PTER: variants seen among roughly 807,000 people sequenced by gnomAD.
PTER encodes the protein N-acetyltaurine hydrolase.
A neutral mutation model predicts 29.6 loss-of-function variants in PTER; 38 were observed. The observed-to-expected ratio is 1.28, with a 90% CI of 0.99 to 1.68. The LOEUF (loss-of-function observed/expected upper bound fraction) is 1.68. PTER is among the 40% of genes most tolerant of loss of function. The pLI is 0.00. For synonymous variants in PTER, 172 were observed against 154.5 expected (o/e 1.11, Z -0.84); for missense variants, 482 against 427.8 (o/e 1.13, Z -1.12).
At chr10:16,491,272 A>G (rs1835888720) in intron 3 of PTER, among the ~76,000 whole-genome samples, 1 of 152,216 alleles carries the variant, frequency 6.6e-6, no homozygotes, top group African/African-American at 2.4e-5. Flanking sequence ...GCTAGGGAAC[A>G]TGGCTTTAGA....
chr10:16,467,038 A>G (rs1208702873), intron 1 of PTER, among the ~76,000 whole-genome samples: 1 of 152,158 alleles, frequency 6.6e-6, no homozygotes, highest in Non-Finnish European at 1.5e-5. Context: ...GTCTTTGGAG[A>G]TGAAGTCACT....
At chr10:16,464,068 G>T (rs1041200708) in intron 1 of PTER, among the ~76,000 whole-genome samples, 1 of 152,164 alleles carries the variant, frequency 6.6e-6, no homozygotes, top group Non-Finnish European at 1.5e-5. Context: ...TAATTAAAGT[G>T]TGTAGAGGAT....
intron 3 of PTER, among the ~76,000 whole-genome samples, chr10:16,497,815 G>A (rs1029459244): frequency 6.6e-6 from 1 of 152,144 alleles, no homozygotes; most frequent in Non-Finnish European, 1.5e-5. Flanking sequence ...ATATAAAAGG[G>A]GGTTGAAAAT....
At chr10:16,464,836 G>A (rs1353190687) in intron 1 of PTER, among the ~76,000 whole-genome samples, 1 of 152,124 alleles carries the variant, frequency 6.6e-6, no homozygotes, top group Non-Finnish European at 1.5e-5. Flanking sequence ...CCTGAGACTG[G>A]GTAATTTATA....
intron 1 of PTER, among the ~76,000 whole-genome samples, chr10:16,442,609 A>G (rs949528713): frequency 7.2e-5 from 11 of 152,186 alleles, no homozygotes; most frequent in Non-Finnish European, 1.6e-4. Flanking sequence ...TCTCTATTAA[A>G]TAAGTAAATA....
At chr10:16,446,424 T>C (rs1336937014) in intron 1 of PTER, among the ~76,000 whole-genome samples, 2 of 152,160 alleles carry the variant, frequency 1.3e-5, no homozygotes, top group Admixed American at 6.5e-5. Context: ...TCCACCATGT[T>C]GATCAGGCTG....
intron 1 of PTER, among the ~76,000 whole-genome samples, chr10:16,450,241 G>T (rs1232592150): frequency 6.6e-6 from 1 of 152,184 alleles, no homozygotes; most frequent in Admixed American, 6.5e-5. Context: ...AACGGGTATT[G>T]GGAGTGGGTC....
chr10:16,504,020 A>T (rs1029434504), intron 3 of PTER, among the ~76,000 whole-genome samples: 2 of 152,094 alleles, frequency 1.3e-5, no homozygotes, highest in East Asian at 3.9e-4. Context: ...CTAATGGGGT[A>T]TATTTTTCCT....
chr10:16,474,670 G>T (rs571814009), intron 1 of PTER, among the ~76,000 whole-genome samples: 1 of 152,182 alleles, frequency 6.6e-6, no homozygotes, highest in South Asian at 2.1e-4. Context: ...GGTGGATCAT[G>T]AGGTCAGGAG....
chr10:16,457,235 T>C (rs909711897), intron 1 of PTER, among the ~76,000 whole-genome samples: 6 of 151,790 alleles, frequency 4.0e-5, no homozygotes, highest in Non-Finnish European at 7.4e-5. Flanking sequence ...TTTTTTGAGA[T>C]GGAGTCTCAC....
At chr10:16,455,338 A>G (rs749575823) in intron 1 of PTER, among the ~76,000 whole-genome samples, 12 of 152,142 alleles carry the variant, frequency 7.9e-5, no homozygotes, top group South Asian at 4.1e-4. Context: ...CCTGGCCCCA[A>G]TAGTTTCCTT....
At chr10:16,456,575 G>A (rs899275084) in intron 1 of PTER, among the ~76,000 whole-genome samples, 11 of 152,310 alleles carry the variant, frequency 7.2e-5, no homozygotes, top group Admixed American at 7.2e-4. Context: ...TCAGGCTTCA[G>A]AAGAATAGCT....
intron 1 of PTER, among the ~76,000 whole-genome samples, chr10:16,478,310 C>A (rs1258108621): frequency 1.3e-5 from 2 of 150,640 alleles, no homozygotes; most frequent in Non-Finnish European, 2.9e-5. Flanking sequence ...TTCTTCCTCC[C>A]TCTCCCTTTT....
Position 16,511,250 on chromosome 10 carries a change from C to T in PTER, c.1044C>T (p.Phe348=), listed in dbSNP as rs1836800719. Residue 348 remains phenylalanine (F), a synonymous_variant, in exon 5 of 5, where the codon TTC becomes TTT. Transcript: ENST00000535784. ...AGAACCCTAAGCAATGGCTAACTTT[C>T]AAATAGGATGGTTGCTTATGAATTC... The part of the protein sequence containing the change: ...LIENPKQWLT[F]K 6.2e-7 allele frequency: 1 copy of T among 1,612,920 alleles called. No homozygotes were observed. The highest frequency in any genetic ancestry group is 8.5e-7 in the Non-Finnish European group (1 of 1,179,020).
chr10:16,490,173 T>C (rs1035109162), intron 3 of PTER, among the ~76,000 whole-genome samples: 24 of 152,172 alleles, frequency 1.6e-4, no homozygotes, highest in African/African-American at 5.5e-4. Flanking sequence ...TCACAAAGCC[T>C]ATTTTATAAT....
intron 1 of PTER, among the ~76,000 whole-genome samples, chr10:16,480,557 T>A (rs1388240867): frequency 6.6e-6 from 1 of 152,116 alleles, no homozygotes; most frequent in Non-Finnish European, 1.5e-5. Flanking sequence ...AAGGGCTGGG[T>A]ATAACAGAGT....
intron 1 of PTER, among the ~76,000 whole-genome samples, chr10:16,458,399 TATG>T (rs1338324627): frequency 2.0e-5 from 3 of 152,206 alleles, no homozygotes; most frequent in Admixed American, 1.3e-4. Flanking sequence ...CTTATGCGAT[TATG>T]ATATTATAGT....
chr10:16,466,513 G>T (rs139817323), intron 1 of PTER, among the ~76,000 whole-genome samples: 1 of 152,040 alleles, frequency 6.6e-6, no homozygotes, highest in Non-Finnish European at 1.5e-5. Flanking sequence ...GGGCCACCAC[G>T]CCCAGCTAAT....
chr10:16,452,220 C>CACACACACACACACACACAT (rs1282331852), intron 1 of PTER, among the ~76,000 whole-genome samples: 5 of 144,944 alleles, frequency 3.4e-5, no homozygotes, highest in South Asian at 2.1e-4. Context: ...CACACACACA[C>CACACACACACACACACACAT]ATATATATAC....
Sources: gnomAD v4.1 joint callset for allele counts (sites outside exome capture counted in the v4.1 genomes callset) on GRCh38, gnomAD v4.1.1 for gene constraint, MANE v1.5 for transcripts, NCBI Gene and HGNC (gene_info 2026-07-23, HGNC 2026-07-21) for gene names.